The following STXBP5L variants were observed in gnomAD, a reference collection of about 807,000 sequenced individuals.
The protein encoded by STXBP5L is syntaxin binding protein 5L.
STXBP5L carries 65 observed loss-of-function variants against 144.5 expected under a neutral mutation model. The ratio of observed to expected loss-of-function variants is 0.45; its 90% confidence interval spans 0.37 to 0.55. The LOEUF (loss-of-function observed/expected upper bound fraction) is 0.55. Among genes scored for constraint, STXBP5L ranks in the 20% least tolerant of loss-of-function variants. STXBP5L has a pLI of 0.00. For missense variants in STXBP5L, 1,298 were observed against 1,405.5 expected (o/e 0.92, Z 1.22); for synonymous variants, 505 against 469.6 (o/e 1.08, Z -0.97).
intron 19 of STXBP5L, among the ~76,000 whole-genome samples, chr3:121,313,881 G>T (rs1230145738): frequency 1.4e-5 from 2 of 142,900 alleles, no homozygotes; most frequent in East Asian, 2.2e-4. Context: ...CTTCTCAGAC[G>T]GAGCGGCCGG....
At chr3:121,004,256 G>C (rs1345872529) in intron 3 of STXBP5L, among the ~76,000 whole-genome samples, 1 of 151,526 alleles carries the variant, frequency 6.6e-6, no homozygotes, top group East Asian at 1.9e-4. Flanking sequence ...TCCTTGAAGA[G>C]GTCCTTCACA....
intron 3 of STXBP5L, among the ~76,000 whole-genome samples, chr3:121,021,318 G>T (rs908409552): frequency 1.3e-5 from 2 of 152,118 alleles, no homozygotes; most frequent in Non-Finnish European, 2.9e-5. Flanking sequence ...CAATAATAGT[G>T]TGGGACTTTA....
chr3:121,003,203 C>A (rs1336521748), intron 3 of STXBP5L, among the ~76,000 whole-genome samples: 2 of 152,146 alleles, frequency 1.3e-5, no homozygotes, highest in Non-Finnish European at 1.5e-5. Context: ...TTCTCCACAT[C>A]CTCTCCAGCA....
Position 121,419,947 on chromosome 3 carries a change from T to C in STXBP5L, c.*850T>C, listed in dbSNP as rs1250447830. On this transcript the variant is annotated 3_prime_UTR_variant, in exon 27 of 27. Transcript: ENST00000471454. ...AGGTGTGGGGAATCTATAGGAACAA[T>C]AGAGTTAGCTATGAGAACTGACTTC... The C allele has an allele frequency of 6.6e-6, 1 of 152,076 alleles. No individual in the cohort carries two copies. The highest frequency in any genetic ancestry group is 1.5e-5 in the Non-Finnish European group (1 of 68,002). 9.4% of individuals were successfully genotyped at this position (152,076 alleles called of 1,614,324 possible). A position where few individuals can be genotyped will look rare whatever the true frequency, so the allele number is the denominator to read the frequency against.
intron 5 of STXBP5L, among the ~76,000 whole-genome samples, chr3:121,103,089 G>T (rs2043510436): frequency 6.6e-6 from 1 of 152,072 alleles, no homozygotes. Context: ...AGGAATGTTT[G>T]TACACCTTTG....
intron 9 of STXBP5L, among the ~76,000 whole-genome samples, chr3:121,195,361 A>G (rs1379447486): frequency 6.6e-6 from 1 of 152,146 alleles, no homozygotes; most frequent in Non-Finnish European, 1.5e-5. Context: ...AATTGAATAT[A>G]TTTAAGGTAT....
At chr3:121,403,693 A>G (rs2046935332) in intron 22 of STXBP5L, among the ~76,000 whole-genome samples, 1 of 152,194 alleles carries the variant, frequency 6.6e-6, no homozygotes, top group Admixed American at 6.6e-5. Flanking sequence ...TTAGACACTA[A>G]TAAGTACTAA....
chr3:120,978,891 T>C (rs964931421), intron 3 of STXBP5L, among the ~76,000 whole-genome samples: 1 of 152,154 alleles, frequency 6.6e-6, no homozygotes, highest in Non-Finnish European at 1.5e-5. Flanking sequence ...TGCTGTCTGA[T>C]CGTTCCTCTG....
intron 5 of STXBP5L, among the ~76,000 whole-genome samples, chr3:121,048,840 C>T (rs896494397): frequency 2.0e-5 from 3 of 152,194 alleles, no homozygotes; most frequent in Non-Finnish European, 2.9e-5. Flanking sequence ...TGCTGGGAGC[C>T]CAGGTCAAGA....
intron 22 of STXBP5L, among the ~76,000 whole-genome samples, chr3:121,402,957 G>A (rs1396377678): frequency 1.3e-5 from 2 of 152,162 alleles, no homozygotes; most frequent in African/African-American, 2.4e-5. Context: ...AGCCACCTGA[G>A]TAGCTGGGAC....
chr3:121,012,484 A>G (rs1382038588), intron 3 of STXBP5L, among the ~76,000 whole-genome samples: 2 of 151,812 alleles, frequency 1.3e-5, no homozygotes, highest in Non-Finnish European at 2.9e-5. Context: ...TATCTTTACC[A>G]ACACTTGCTA....
intron 25 of STXBP5L, among the ~76,000 whole-genome samples, chr3:121,416,607 A>C (rs1182253543): frequency 1.3e-5 from 2 of 151,458 alleles, no homozygotes; most frequent in East Asian, 3.9e-4. Context: ...TCCCGGGTTC[A>C]AGCGATTCTC....
chr3:121,381,183 C>T (rs1470776453), intron 21 of STXBP5L, 110 bp from the exon 22 acceptor site: 72 of 1,120,262 alleles, frequency 6.4e-5, no homozygotes, highest in Admixed American at 8.6e-5. Flanking sequence ...AATTAACAAA[C>T]AATGAAATTT....
rs551423883 is a variant in STXBP5L, at chr3:121,341,591, G to A, written c.2176+23051G>A. Reference sequence around the variant, plus strand: ...CCCATATATTGCAGCACTATTCACAGTAGCCAAGATTTGGAAGCAATTTAA... The same window carrying A: ...CCCATATATTGCAGCACTATTCACAATAGCCAAGATTTGGAAGCAATTTAA... On this transcript the variant is annotated intron_variant, in intron 20 of 26. Coordinates refer to ENST00000471454, the MANE Select transcript of STXBP5L (RefSeq NM_001308330.2). Among the ~76,000 whole-genome samples, 12 of 152,124 alleles carry A rather than the reference G, an allele frequency of 7.9e-5. No individual in the cohort carries two copies. The South Asian group carries it at 2.3e-3, about 29-fold the overall frequency.
At chr3:120,966,296 C>T (rs576429845) in intron 3 of STXBP5L, among the ~76,000 whole-genome samples, 1 of 152,288 alleles carries the variant, frequency 6.6e-6, no homozygotes, top group African/African-American at 2.4e-5. Context: ...TTGTCAAAGT[C>T]ATTCTCCGTC....
At chr3:121,039,193 C>T (rs1180647148) in intron 3 of STXBP5L, among the ~76,000 whole-genome samples, 3 of 151,796 alleles carry the variant, frequency 2.0e-5, no homozygotes, top group African/African-American at 7.2e-5. Context: ...CAATATTCTG[C>T]GTTATTTTTT....
At chr3:120,990,655 G>C (rs1480711815) in intron 3 of STXBP5L, among the ~76,000 whole-genome samples, 1 of 152,110 alleles carries the variant, frequency 6.6e-6, no homozygotes, top group Non-Finnish European at 1.5e-5. Context: ...GAACAGAACA[G>C]AGCCCTCAGA....
intron 6 of STXBP5L, among the ~76,000 whole-genome samples, chr3:121,117,975 G>A (rs907805704): frequency 1.1e-4 from 16 of 151,566 alleles, no homozygotes; most frequent in Non-Finnish European, 2.1e-4. Context: ...TTTCTGTAGG[G>A]CAGCCCTAAC....
At chr3:120,954,369 C>A (rs534530491) in intron 2 of STXBP5L, among the ~76,000 whole-genome samples, 43 of 152,154 alleles carry the variant, frequency 2.8e-4, no homozygotes, top group Non-Finnish European at 4.9e-4. Context: ...TCTTCATATT[C>A]CTTCCCAATC....
Sources: allele counts gnomAD v4.1 joint callset (sites outside exome capture counted in the v4.1 genomes callset), GRCh38; gene constraint gnomAD v4.1.1; transcripts MANE v1.5; gene names NCBI Gene and HGNC (gene_info 2026-07-23, HGNC 2026-07-21).